Variants in FRAS1 observed in about 807,000 individuals in gnomAD.
FRAS1 encodes extracellular matrix organizing protein FRAS1.
FRAS1 carries 290 observed loss-of-function variants against 435.2 expected under a neutral mutation model. The observed-to-expected ratio is 0.67, with a 90% CI of 0.61 to 0.73. FRAS1 has a LOEUF of 0.73. Among genes scored for constraint, FRAS1 ranks in the 30% least tolerant of loss-of-function variants. The probability of loss-of-function intolerance (pLI) is 0.00; values close to 1 mark genes in which losing one functional copy is unlikely to be tolerated. For missense variants in FRAS1, 4,860 were observed against 5,001.5 expected (o/e 0.97, Z 0.85); for synonymous variants, 1,800 against 1,851.0 (o/e 0.97, Z 0.71).
chr4:78,129,792 C>G lies in FRAS1; in HGVS notation c.108+63776C>G, dbSNP rs192417133. Among the ~76,000 whole-genome samples the G allele has an allele frequency of 2.0e-5, 3 of 152,270 alleles. No individual in the cohort carries two copies. The East Asian group carries it at 5.8e-4, about 29-fold the overall frequency. On this transcript the variant is annotated intron_variant, in intron 2 of 73. Coordinates refer to ENST00000512123, the MANE Select transcript of FRAS1 (RefSeq NM_025074.7). ...TCCCTCATTGATCTGAGGCCGAGGT[C>G]CAAATTCCTTAGCTTGTTTGCCAAG...
At chr4:78,439,990 C>A (rs1734589447) in intron 40 of FRAS1, among the ~76,000 whole-genome samples, 1 of 146,400 alleles carries the variant, frequency 6.8e-6, no homozygotes, top group Non-Finnish European at 1.5e-5. Flanking sequence ...TGTTGAGCAA[C>A]TGAAAATTCA....
intron 47 of FRAS1, among the ~76,000 whole-genome samples, chr4:78,454,679 C>T (rs987161427): frequency 2.6e-5 from 4 of 152,166 alleles, no homozygotes; most frequent in Non-Finnish European, 4.4e-5. Flanking sequence ...TCATCCACAC[C>T]GTGCAGAGCC....
chr4:78,305,613 G>A (rs897269215), intron 14 of FRAS1, among the ~76,000 whole-genome samples: 1 of 139,992 alleles, frequency 7.1e-6, no homozygotes, highest in Non-Finnish European at 1.6e-5. Flanking sequence ...TTACCATTAT[G>A]TAATGGCCTT....
chr4:78,281,957 A>G (rs1421761097), intron 11 of FRAS1, among the ~76,000 whole-genome samples: 1 of 152,214 alleles, frequency 6.6e-6, no homozygotes, highest in African/African-American at 2.4e-5. Context: ...TTTCAAATGG[A>G]AGAAAAGCAC....
chr4:78,314,497 A>T (rs2110230638), intron 15 of FRAS1, among the ~76,000 whole-genome samples: 1 of 151,752 alleles, frequency 6.6e-6, no homozygotes, highest in Middle Eastern at 3.4e-3. Flanking sequence ...GCGGTTTCCA[A>T]CTCTCCTCTT....
At chr4:78,141,348 G>A (rs1189162019) in intron 2 of FRAS1, among the ~76,000 whole-genome samples, 1 of 152,138 alleles carries the variant, frequency 6.6e-6, no homozygotes, top group Non-Finnish European at 1.5e-5. Context: ...ATAAATTGAA[G>A]TGGGTTATGA....
At chr4:78,298,452 G>A (rs1196266266) in intron 14 of FRAS1, among the ~76,000 whole-genome samples, 11 of 151,892 alleles carry the variant, frequency 7.2e-5, no homozygotes, top group Non-Finnish European at 8.8e-5. Flanking sequence ...AGAGATGAAA[G>A]CTCAGCATAT....
chr4:78,445,531 T>G lies in FRAS1; in HGVS notation c.5675T>G (p.Phe1892Cys). 2 of 1,574,566 alleles carry G rather than the reference T, an allele frequency of 1.3e-6. No individual in the cohort carries two copies. Among genetic ancestry groups the G allele is most frequent in the South Asian group, 2.4e-5 (2 of 83,142 alleles). ...CIENTGTGDR[F>C]GPETASDLEA... Reference sequence around the variant, plus strand: ...CTTGATGTTGATGCAGGTGATCGTTTTGGCCCTGAAACTGCCAGTGACCTA... The same window carrying G: ...CTTGATGTTGATGCAGGTGATCGTTGTGGCCCTGAAACTGCCAGTGACCTA... Residue 1892 changes from phenylalanine to cysteine, a missense_variant, in exon 42 of 74, where the codon TTT becomes TGT. Phe to Cys is a radical substitution (Grantham distance 205, BLOSUM62 -2). Coordinates refer to ENST00000512123, the MANE Select transcript of FRAS1 (RefSeq NM_025074.7).
intron 60 of FRAS1, among the ~76,000 whole-genome samples, chr4:78,497,766 C>T (rs1390957209): frequency 6.6e-6 from 1 of 152,160 alleles, no homozygotes; most frequent in Admixed American, 6.6e-5. Context: ...AGAATCTGTA[C>T]TCTTAAGTAT....
intron 15 of FRAS1, among the ~76,000 whole-genome samples, chr4:78,310,832 A>G (rs1230809939): frequency 2.6e-5 from 4 of 152,246 alleles, no homozygotes; most frequent in Non-Finnish European, 4.4e-5. Context: ...ACTATTCAAG[A>G]TAAAGACCGG....
At chr4:78,175,751 G>A (rs1433281267) in intron 2 of FRAS1, among the ~76,000 whole-genome samples, 1 of 152,124 alleles carries the variant, frequency 6.6e-6, no homozygotes, top group Non-Finnish European at 1.5e-5. Flanking sequence ...ATGCACAGTA[G>A]GAAGGGAGGC....
rs774793290 is a variant in FRAS1, at chr4:78,499,899, C to A, written c.9294C>A (p.Ser3098Arg). Residue 3098 changes from serine to arginine, a missense_variant, in exon 61 of 74, where the codon AGC (serine) becomes AGA (arginine). Transcript: ENST00000512123. ...CTGGTGTGGATTATTACCCAAAGAG[C>A]CGAGTCTTGAAGTTCAGTCCCGGTA... ...AQSGVDYYPK[S>R]RVLKFSPGVD... 2 of 1,575,630 alleles carry A rather than the reference C, an allele frequency of 1.3e-6. No individual in the cohort carries two copies. Among genetic ancestry groups the A allele is most frequent in the East Asian group, 4.5e-5 (2 of 44,062 alleles).
At chr4:78,189,291 C>T (rs1722422812) in intron 2 of FRAS1, among the ~76,000 whole-genome samples, 1 of 152,244 alleles carries the variant, frequency 6.6e-6, no homozygotes, top group African/African-American at 2.4e-5. Flanking sequence ...TGCTTAGCTG[C>T]ATTGGAGATG....
Position 78,477,996 on chromosome 4 carries a change from T to C in FRAS1, c.8033T>C (p.Phe2678Ser), listed in dbSNP as rs765366330. 6.2e-7 allele frequency: 1 copy of C among 1,610,196 alleles called. No individual in the cohort carries two copies. The highest frequency in any genetic ancestry group is 1.7e-5 in the Admixed American group (1 of 59,576). Residue 2678 changes from phenylalanine (F) to serine (S), a missense_variant, in exon 55 of 74, where the codon TTT becomes TCT. Coordinates refer to ENST00000512123, the MANE Select transcript of FRAS1 (RefSeq NM_025074.7). ...ACCGAGGATGAACCCACATTAGAGTTTGACAAGAAGATCTACTGGGTTAAC... is the reference window on the plus strand; with the variant it reads ...ACCGAGGATGAACCCACATTAGAGTCTGACAAGAAGATCTACTGGGTTAAC... ...NDTEDEPTLEFDKKIYWVNES... is the reference protein window; with the variant it reads ...NDTEDEPTLESDKKIYWVNES...
At chr4:78,198,840 T>C (rs527728076) in intron 2 of FRAS1, among the ~76,000 whole-genome samples, 2 of 152,354 alleles carry the variant, frequency 1.3e-5, no homozygotes, top group African/African-American at 4.8e-5. Flanking sequence ...CTCTCGCTTA[T>C]GATTTTCTGA....
Position 78,515,869 on chromosome 4 carries a change from G to C in FRAS1, c.10245G>C (p.Gln3415His), listed in dbSNP as rs746969511. The part of the protein sequence containing the change: ...ALGPGYDRPF[Q>H]FDPSVREPKT... ...GGCCTGGCTACGATCGCCCCTTCCA[G>C]TTTGACCCCAGCGTGCGAGAGCCGA... Residue 3415 changes from glutamine (Q) to histidine (H), a missense_variant, in exon 66 of 74, where the codon CAG becomes CAC. Transcript: ENST00000512123. 3 of 1,614,012 alleles carry C rather than the reference G, an allele frequency of 1.9e-6. No individual in the cohort carries two copies. The highest frequency in any genetic ancestry group is 2.5e-6 in the Non-Finnish European group (3 of 1,179,894).
intron 55 of FRAS1, among the ~76,000 whole-genome samples, chr4:78,478,516 T>A (rs1719918528): frequency 6.6e-6 from 1 of 152,232 alleles, no homozygotes; most frequent in Non-Finnish European, 1.5e-5. Context: ...AAACTATGTG[T>A]AAGAAATAAA....
intron 20 of FRAS1, among the ~76,000 whole-genome samples, chr4:78,354,134 G>C (rs1730757934): frequency 6.6e-6 from 1 of 150,702 alleles, no homozygotes. Flanking sequence ...TTTTACATTT[G>C]ACACTGCCAC....
At chr4:78,360,836 A>G (rs1357897755) in intron 20 of FRAS1, among the ~76,000 whole-genome samples, 2 of 152,192 alleles carry the variant, frequency 1.3e-5, no homozygotes, top group African/African-American at 2.4e-5. Flanking sequence ...ATAATTACTT[A>G]TTTGTTGTAC....
Sources: gnomAD v4.1 joint callset for allele counts (sites outside exome capture counted in the v4.1 genomes callset) on GRCh38, gnomAD v4.1.1 for gene constraint, MANE v1.5 for transcripts, NCBI Gene and HGNC (gene_info 2026-07-23, HGNC 2026-07-21) for gene names.